PLPPR1: variants seen among roughly 807,000 people sequenced by gnomAD.
PLPPR1 encodes the protein phospholipid phosphatase related 1.
A neutral mutation model predicts 33.1 loss-of-function variants in PLPPR1; 10 were observed. That is an observed-to-expected ratio of 0.30 (90% CI 0.19 to 0.51). PLPPR1 has a LOEUF of 0.51. Among genes scored for constraint, PLPPR1 ranks in the 20% least tolerant of loss-of-function variants. The pLI is 0.97. For missense variants in PLPPR1, 304 were observed against 408.1 expected, an observed-to-expected ratio of 0.74 and a Z score of 2.20; for synonymous variants, 151 against 151.0, an observed-to-expected ratio of 1.00 and a Z score of 0.00.
At chr9:101,279,007 T>C (rs10114402) in intron 3 of PLPPR1, among the ~76,000 whole-genome samples, 8,363 of 152,222 alleles carry the variant, frequency 0.055, 252 homozygotes, top group South Asian at 0.12. Context: ...CAAATGTGTA[T>C]ATCTCAATAC....
chr9:101,272,334 C>G (rs1237918013), intron 3 of PLPPR1, among the ~76,000 whole-genome samples: 1 of 152,134 alleles, frequency 6.6e-6, no homozygotes, highest in African/African-American at 2.4e-5. Flanking sequence ...TAAAATGTTT[C>G]AAGGCCTTTT....
At chr9:101,051,828 C>T (rs1356426313) in intron 1 of PLPPR1, among the ~76,000 whole-genome samples, 1 of 152,166 alleles carries the variant, frequency 6.6e-6, no homozygotes, top group Non-Finnish European at 1.5e-5. Flanking sequence ...GTGATAACCT[C>T]TATTTACATT....
At chr9:101,219,011 TTGAC>T (rs1241491792) in intron 2 of PLPPR1, among the ~76,000 whole-genome samples, 8 of 152,136 alleles carry the variant, frequency 5.3e-5, no homozygotes, top group Admixed American at 2.6e-4. Context: ...TTTAGGGAAA[TTGAC>T]TGAGTCAGCA....
chr9:101,254,816 A>T (rs1827771007), intron 2 of PLPPR1, among the ~76,000 whole-genome samples: 1 of 152,132 alleles, frequency 6.6e-6, no homozygotes, highest in Non-Finnish European at 1.5e-5. Context: ...TGTTCCCTCC[A>T]ACTTTTTAAC....
intron 1 of PLPPR1, among the ~76,000 whole-genome samples, chr9:101,079,583 CTTT>C (rs11361751): frequency 5.8e-5 from 8 of 138,710 alleles, no homozygotes; most frequent in Non-Finnish European, 6.3e-5. Context: ...TTTTGATTGC[CTTT>C]TTTTTTTTTT....
chr9:101,271,185 G>A (rs945739187), intron 3 of PLPPR1, among the ~76,000 whole-genome samples: 2 of 152,096 alleles, frequency 1.3e-5, no homozygotes, highest in Non-Finnish European at 2.9e-5. Flanking sequence ...TGTATCAGAA[G>A]GACTAAGAAA....
chr9:101,185,215 C>T (rs926111534), intron 1 of PLPPR1: 7 of 357,702 alleles, frequency 2.0e-5, no homozygotes, highest in African/African-American at 6.3e-5. Context: ...TGTGCACAAG[C>T]GGCTCCTGAC....
intron 1 of PLPPR1, among the ~76,000 whole-genome samples, chr9:101,042,508 C>T (rs1371016131): frequency 6.6e-6 from 1 of 152,158 alleles, no homozygotes; most frequent in African/African-American, 2.4e-5. Context: ...CCTCATGCCA[C>T]ATTGGACACC....
rs146276450 is a variant in PLPPR1 at position 101,035,876 on chromosome 9, G to A, written c.-46+6774G>A. ...GGAAACTGAGAACTAAGGAACTGCA[G>A]CAACTTACCTGAGGCTTTTGCTTAC... On this transcript the variant is annotated intron_variant, in intron 1 of 7. Coordinates refer to ENST00000374874, the MANE Select transcript of PLPPR1 (RefSeq NM_207299.2). 5.2e-3 allele frequency among the ~76,000 whole-genome samples: 792 copies of A among 152,238 alleles called. 1 individual carries two copies. Among genetic ancestry groups the A allele is most frequent in the Middle Eastern group, 0.01 (3 of 294 alleles).
chr9:101,161,304 A>T (rs1285457341), intron 1 of PLPPR1, among the ~76,000 whole-genome samples: 1 of 152,180 alleles, frequency 6.6e-6, no homozygotes, highest in Non-Finnish European at 1.5e-5. Flanking sequence ...ATGGACACAC[A>T]TTAAGTTGAG....
At chr9:101,113,123 G>C (rs748597428) in intron 1 of PLPPR1, among the ~76,000 whole-genome samples, 2 of 152,080 alleles carry the variant, frequency 1.3e-5, no homozygotes, top group Non-Finnish European at 2.9e-5. Context: ...AAGTTCAGGA[G>C]GTCATAGAAT....
chr9:101,144,401 TTAAAG>T (rs1388216777), intron 1 of PLPPR1, among the ~76,000 whole-genome samples: 1 of 152,004 alleles, frequency 6.6e-6, no homozygotes, highest in Non-Finnish European at 1.5e-5. Flanking sequence ...GCCCTAGAAC[TTAAAG>T]TATAATAATA....
chr9:101,215,956 T>C (rs1826785868), intron 2 of PLPPR1, among the ~76,000 whole-genome samples: 2 of 152,030 alleles, frequency 1.3e-5, no homozygotes, highest in African/African-American at 4.8e-5. Context: ...AACATAGGAG[T>C]GTAGCTATCT....
At chr9:101,284,794 A>C (rs2118914077) in intron 3 of PLPPR1, among the ~76,000 whole-genome samples, 1 of 152,316 alleles carries the variant, frequency 6.6e-6, no homozygotes, top group South Asian at 2.1e-4. Flanking sequence ...GAGAAATATA[A>C]GGTATGGAAT....
At position 101,108,139 on chromosome 9, in the gene PLPPR1, G is replaced by A. The variant is rs191882313; in HGVS notation, c.-45-77311G>A. 1.2e-3 allele frequency among the ~76,000 whole-genome samples: 182 copies of A among 146,908 alleles called. 2 individuals carry two copies. Among genetic ancestry groups the A allele is most frequent in the South Asian group, 6.3e-4 (3 of 4,764 alleles). On this transcript the variant is annotated intron_variant, in intron 1 of 7. Transcript: ENST00000374874. ...TCGCTCACGCTGGGAGCTGTAGACC[G>A]GAGCTGTTCCTATTCGGCCATCTTG...
chr9:101,306,716 A>T (rs1455792921), intron 4 of PLPPR1, among the ~76,000 whole-genome samples: 1 of 152,224 alleles, frequency 6.6e-6, no homozygotes, highest in East Asian at 1.9e-4. Context: ...ACAGAAATGA[A>T]AAATATCTAT....
chr9:101,224,625 C>G lies in PLPPR1; in HGVS notation c.63+39068C>G, dbSNP rs552941162. 2.6e-5 allele frequency among the ~76,000 whole-genome samples: 4 copies of G among 152,220 alleles called. No homozygotes were observed. In the South Asian group the frequency reaches 8.3e-4, roughly 32 times the overall value. ...GGTGCAAAAAAGCTGTGCAGCAGGT[C>G]TTCAAATAACATTGCTTCATTACAA... On this transcript the variant is annotated intron_variant, in intron 2 of 7. Coordinates refer to ENST00000374874, the MANE Select transcript of PLPPR1 (RefSeq NM_207299.2).
At chr9:101,238,907 C>T (rs1199399655) in intron 2 of PLPPR1, among the ~76,000 whole-genome samples, 1 of 151,566 alleles carries the variant, frequency 6.6e-6, no homozygotes, top group Non-Finnish European at 1.5e-5. Context: ...CTTACCCTTC[C>T]AGCTTCTAAC....
At chr9:101,096,744 C>T (rs1830823683) in intron 1 of PLPPR1, among the ~76,000 whole-genome samples, 1 of 152,092 alleles carries the variant, frequency 6.6e-6, no homozygotes, top group Admixed American at 6.6e-5. Flanking sequence ...AATGTTGGAG[C>T]TCTTTGCCAT....
Sources: allele counts gnomAD v4.1 joint callset (sites outside exome capture counted in the v4.1 genomes callset), GRCh38; gene constraint gnomAD v4.1.1; transcripts MANE v1.5; gene names NCBI Gene and HGNC (gene_info 2026-07-23, HGNC 2026-07-21).